The following CADM2 variants were observed in gnomAD, a reference collection of about 807,000 sequenced individuals.
CADM2 encodes the protein cell adhesion molecule 2.
A neutral mutation model predicts 49.8 loss-of-function variants in CADM2; 12 were observed. The ratio of observed to expected loss-of-function variants is 0.24; its 90% CI spans 0.15 to 0.39. CADM2 has a LOEUF of 0.39. Ranked by LOEUF, CADM2 falls within the 10% of genes least tolerant of loss-of-function variation. The probability of loss-of-function intolerance (pLI) is 1.00; values close to 1 mark genes in which losing one functional copy is unlikely to be tolerated. For missense variants in CADM2, 378 were observed against 492.3 expected (o/e 0.77, Z 2.20); for synonymous variants, 214 against 175.4 (o/e 1.22, Z -1.74).
At chr3:85,093,150 C>T (rs2037662390) in intron 1 of CADM2, among the ~76,000 whole-genome samples, 1 of 152,058 alleles carries the variant, frequency 6.6e-6, no homozygotes, top group African/African-American at 2.4e-5. Context: ...GTACTTTTAC[C>T]GTAGGAACTA....
intron 1 of CADM2, among the ~76,000 whole-genome samples, chr3:85,024,782 G>A (rs2034654990): frequency 6.6e-6 from 1 of 151,594 alleles, no homozygotes; most frequent in Non-Finnish European, 1.5e-5. Flanking sequence ...AGCAAGTTCT[G>A]AATTTGTGTG....
chr3:85,249,335 AACTT>A (rs957598586), intron 1 of CADM2, among the ~76,000 whole-genome samples: 5 of 152,128 alleles, frequency 3.3e-5, no homozygotes, highest in African/African-American at 1.2e-4. Flanking sequence ...AATGTAAAGA[AACTT>A]ACTAACTAGT....
rs556611331 is a variant in CADM2, at chr3:85,744,251, G to A, written c.88+17703G>A. The stretch of plus-strand genomic sequence containing the variant: ...GGGGATGGGACAAGGAATGACTAAT[G>A]GGTACAAATAAATAGTTACAAAGAA... On this transcript the variant is annotated intron_variant, in intron 2 of 9. Coordinates refer to ENST00000383699, the MANE Select transcript of CADM2 (RefSeq NM_001167675.2). Among the ~76,000 whole-genome samples the A allele has an allele frequency of 7.2e-5, 11 of 152,120 alleles. No homozygotes were observed. In the East Asian group the frequency reaches 1.5e-3, roughly 21 times the overall value.
chr3:84,961,620 G>A (rs2030525601), intron 1 of CADM2, among the ~76,000 whole-genome samples: 1 of 152,156 alleles, frequency 6.6e-6, no homozygotes, highest in African/African-American at 2.4e-5. Context: ...CTGTGTGTGT[G>A]TGTATGTGTG....
chr3:85,304,088 A>G (rs1163421019), intron 1 of CADM2, among the ~76,000 whole-genome samples: 1 of 151,854 alleles, frequency 6.6e-6, no homozygotes, highest in African/African-American at 2.4e-5. Flanking sequence ...TTGTAGCTCT[A>G]CATTGTAAAC....
At chr3:85,640,299 T>C (rs1395922420) in intron 1 of CADM2, among the ~76,000 whole-genome samples, 1 of 152,202 alleles carries the variant, frequency 6.6e-6, no homozygotes, top group Non-Finnish European at 1.5e-5. Flanking sequence ...TTTCAGATGT[T>C]GTTGAACGAA....
At chr3:85,330,910 C>T (rs550022623) in intron 1 of CADM2, among the ~76,000 whole-genome samples, 5 of 151,992 alleles carry the variant, frequency 3.3e-5, no homozygotes, top group East Asian at 3.9e-4. Flanking sequence ...TGCAGTGAGC[C>T]GTAATAACAC....
intron 1 of CADM2, among the ~76,000 whole-genome samples, chr3:85,011,610 C>T (rs2033996462): frequency 6.6e-6 from 1 of 152,090 alleles, no homozygotes; most frequent in Admixed American, 6.5e-5. Flanking sequence ...TAGAATTTAG[C>T]AATCTTTTAT....
chr3:85,489,431 T>C (rs2039567530), intron 1 of CADM2, among the ~76,000 whole-genome samples: 1 of 152,158 alleles, frequency 6.6e-6, no homozygotes, highest in Non-Finnish European at 1.5e-5. Flanking sequence ...TTACAAGTTT[T>C]CATTTAATAT....
chr3:85,498,394 T>C (rs573492035), intron 1 of CADM2, among the ~76,000 whole-genome samples: 2 of 152,246 alleles, frequency 1.3e-5, no homozygotes, highest in South Asian at 2.1e-4. Context: ...GAATCAATAA[T>C]GTGGGCAAGG....
Position 84,959,543 on chromosome 3 carries a change from C to T in CADM2, c.-65C>T, listed in dbSNP as rs1038166006. 6.9e-7 allele frequency: 1 copy of T among 1,445,632 alleles called. No individual in the cohort carries two copies. Among genetic ancestry groups the T allele is most frequent in the Non-Finnish European group, 9.4e-7 (1 of 1,064,234 alleles). The allele number at this position is 1,445,632 out of a possible 1,614,324, so 89.6% of individuals were successfully genotyped here. On this transcript the variant is annotated 5_prime_UTR_variant, in exon 1 of 10. Coordinates refer to ENST00000383699, the MANE Select transcript of CADM2 (RefSeq NM_001167675.2). ...GGACACCAGCGGAGCCCTGCACTCT[C>T]GTGCCCCGCTCACCAGCATCTACTT...
At position 85,166,810 on chromosome 3, in the gene CADM2, C is replaced by T. The variant is rs1327157485; in HGVS notation, c.61+207142C>T. On this transcript the variant is annotated intron_variant, in intron 1 of 9. Transcript: ENST00000383699. ...ATACTGGAGAATGTCATTTTAAATA[C>T]TCGGATGATGAAAATATTAATCATG... is the stretch of plus-strand genomic sequence containing the variant. 2.0e-5 allele frequency among the ~76,000 whole-genome samples: 3 copies of T among 151,858 alleles called. No homozygotes were observed. In the East Asian group the frequency reaches 5.8e-4, roughly 29 times the overall value.
chr3:85,378,933 G>A (rs1174010451), intron 1 of CADM2, among the ~76,000 whole-genome samples: 1 of 151,820 alleles, frequency 6.6e-6, no homozygotes, highest in Non-Finnish European at 1.5e-5. Context: ...AATAAACTCA[G>A]TTATTTTCAA....
At chr3:85,115,974 A>T (rs890750897) in intron 1 of CADM2, among the ~76,000 whole-genome samples, 9 of 152,186 alleles carry the variant, frequency 5.9e-5, no homozygotes, top group Non-Finnish European at 1.3e-4. Context: ...CACATTCATG[A>T]TTTTATCTTC....
intron 1 of CADM2, among the ~76,000 whole-genome samples, chr3:85,259,343 A>C (rs577094667): frequency 3.3e-5 from 5 of 152,182 alleles, no homozygotes; most frequent in African/African-American, 1.2e-4. Context: ...TTAATTTAGA[A>C]GATTTTTATT....
intron 1 of CADM2, among the ~76,000 whole-genome samples, chr3:85,693,566 C>CAAA (rs562723713): frequency 0.01 from 790 of 76,022 alleles, 16 homozygotes; most frequent in African/African-American, 0.034. Context: ...GGCGAAAGAG[C>CAAA]AAAAAAAAAA....
At chr3:85,655,536 A>G (rs1198163220) in intron 1 of CADM2, among the ~76,000 whole-genome samples, 2 of 152,088 alleles carry the variant, frequency 1.3e-5, no homozygotes, top group African/African-American at 2.4e-5. Flanking sequence ...CATCATTGTT[A>G]GGTGTTTCCT....
chr3:84,984,048 T>TACACACACAC (rs10603844), intron 1 of CADM2, among the ~76,000 whole-genome samples: 1 of 143,234 alleles, frequency 7.0e-6, no homozygotes, highest in Non-Finnish European at 1.5e-5. Flanking sequence ...TATATATATA[T>TACACACACAC]ACACACACAC....
chr3:85,599,397 A>G (rs954944971), intron 1 of CADM2, among the ~76,000 whole-genome samples: 2 of 152,112 alleles, frequency 1.3e-5, no homozygotes, highest in East Asian at 1.9e-4. Flanking sequence ...GTACTATCCT[A>G]TCATTTCACA....
Sources: allele counts gnomAD v4.1 joint callset (sites outside exome capture counted in the v4.1 genomes callset), GRCh38; gene constraint gnomAD v4.1.1; transcripts MANE v1.5; gene names NCBI Gene and HGNC (gene_info 2026-07-23, HGNC 2026-07-21).